The following FUT8 variants were observed in gnomAD, a reference collection of about 807,000 sequenced individuals.
The protein encoded by FUT8 is fucosyltransferase 8, also known as alpha-(1,6)-fucosyltransferase.
In FUT8, 29 loss-of-function variants were observed where a neutral mutation model predicts 71.3. The ratio of observed to expected loss-of-function variants is 0.41; its 90% CI spans 0.30 to 0.55. FUT8 has a LOEUF of 0.55. Ranked by LOEUF, FUT8 falls within the 20% of genes least tolerant of loss-of-function variation. The pLI is 0.34. For synonymous variants in FUT8, 254 were observed against 239.3 expected, an observed-to-expected ratio of 1.06 and a Z score of -0.57; for missense variants, 544 against 702.1, an observed-to-expected ratio of 0.77 and a Z score of 2.55.
intron 3 of FUT8, among the ~76,000 whole-genome samples, chr14:65,565,667 CATTTGCT>C (rs1214555923): frequency 6.6e-6 from 1 of 151,932 alleles, no homozygotes; most frequent in Non-Finnish European, 1.5e-5. Flanking sequence ...TCCTACCCAG[CATTTGCT>C]ATTGTCAGTT....
chr14:65,372,792 G>A, the FUT8 span, among the ~76,000 whole-genome samples: 1 of 152,126 alleles, frequency 6.6e-6, no homozygotes, highest in Non-Finnish European at 1.5e-5. Flanking sequence ...AATACTTTCA[G>A]TTTGTTTAGC....
chr14:65,559,157 T>G (rs1039377022), intron 2 of FUT8, among the ~76,000 whole-genome samples: 5 of 152,172 alleles, frequency 3.3e-5, no homozygotes, highest in African/African-American at 1.2e-4. Flanking sequence ...TTTTATTATT[T>G]AAATTACTCT....
At chr14:65,620,281 AC>A (rs1487951257) in intron 5 of FUT8, among the ~76,000 whole-genome samples, 1 of 152,168 alleles carries the variant, frequency 6.6e-6, no homozygotes, top group Non-Finnish European at 1.5e-5. Flanking sequence ...CTATTGAAAA[AC>A]AATCTGTTAA....
At chr14:65,403,494 A>G in the FUT8 span, among the ~76,000 whole-genome samples, 1 of 152,250 alleles carries the variant, frequency 6.6e-6, no homozygotes, top group Non-Finnish European at 1.5e-5. Flanking sequence ...CATTCAATAA[A>G]TATGCTACAT....
intron 1 of FUT8, among the ~76,000 whole-genome samples, chr14:65,414,705 A>C (rs1216143394): frequency 6.6e-6 from 1 of 152,220 alleles, no homozygotes; most frequent in African/African-American, 2.4e-5. Context: ...AGGTAGTTCC[A>C]AGACATGGAT....
chr14:65,554,451 A>G lies in FUT8; in HGVS notation c.-227-6886A>G, dbSNP rs1342726306. Among the ~76,000 whole-genome samples the G allele has an allele frequency of 2.1e-5, 3 of 142,710 alleles. No homozygotes were observed. The East Asian group carries it at 6.4e-4, about 30-fold the overall frequency. The allele number at this position is 142,710 out of a possible 152,430, so 93.6% of individuals were successfully genotyped here. On this transcript the variant is annotated intron_variant, in intron 2 of 10. Transcript: ENST00000673929. ...ATATATATTATATATATATATTTAT[A>G]TCTATAGATCTATATCTCATGGTTT...
At chr14:65,589,599 ACG>A (rs2070880815) in intron 3 of FUT8, among the ~76,000 whole-genome samples, 1 of 151,822 alleles carries the variant, frequency 6.6e-6, no homozygotes. Flanking sequence ...GCCCGCCACC[ACG>A]CCTGGCTAAC....
chr14:65,677,151 T>TGC (rs1555383259), intron 7 of FUT8, among the ~76,000 whole-genome samples: 89 of 110,732 alleles, frequency 8.0e-4, no homozygotes, highest in African/African-American at 1.3e-3. Context: ...TGTGTGTGTG[T>TGC]GCGCGCGCGC....
At chr14:65,677,149 T>TGTGTGTGTGC (rs1555383277) in intron 7 of FUT8, among the ~76,000 whole-genome samples, 1 of 84,530 alleles carries the variant, frequency 1.2e-5, no homozygotes, top group South Asian at 3.3e-4. Context: ...TGTGTGTGTG[T>TGTGTGTGTGC]GTGCGCGCGC....
intron 7 of FUT8, among the ~76,000 whole-genome samples, chr14:65,685,238 C>G (rs887740126): frequency 2.0e-5 from 3 of 152,094 alleles, no homozygotes; most frequent in Admixed American, 1.3e-4. Context: ...CGCTCCATTT[C>G]CTAATTCAAA....
At chr14:65,367,431 C>T in the FUT8 span, among the ~76,000 whole-genome samples, 136 of 152,228 alleles carry the variant, frequency 8.9e-4, 1 homozygote, top group African/African-American at 2.8e-3. Flanking sequence ...GGGATCCTCC[C>T]AGCACTGAGC....
chr14:65,630,946 C>G (rs1890151179), intron 6 of FUT8, among the ~76,000 whole-genome samples: 1 of 152,146 alleles, frequency 6.6e-6, no homozygotes, highest in African/African-American at 2.4e-5. Context: ...AGCAAAATGA[C>G]AGCCAGTGAT....
intron 7 of FUT8, among the ~76,000 whole-genome samples, chr14:65,677,155 C>T (rs56404818): frequency 0.059 from 1,763 of 29,894 alleles, 27 homozygotes; most frequent in African/African-American, 0.12. Context: ...TGTGTGTGCG[C>T]GCGCGCATGC....
At chr14:65,572,503 A>C (rs1172564935) in intron 3 of FUT8, among the ~76,000 whole-genome samples, 1 of 152,202 alleles carries the variant, frequency 6.6e-6, no homozygotes, top group East Asian at 1.9e-4. Context: ...CACATTCTTA[A>C]TCACGTTGGT....
intron 6 of FUT8, among the ~76,000 whole-genome samples, chr14:65,642,646 T>C (rs1890896455): frequency 6.6e-6 from 1 of 151,658 alleles, no homozygotes. Flanking sequence ...TACATGTGTG[T>C]CATGTGTGTC....
At chr14:65,726,229 T>C (rs1206957229) in intron 9 of FUT8, among the ~76,000 whole-genome samples, 1 of 152,268 alleles carries the variant, frequency 6.6e-6, no homozygotes, top group Non-Finnish European at 1.5e-5. Flanking sequence ...TTGTCTACTC[T>C]TTCACTTGTT....
At chr14:65,569,341 T>C (rs1362526650) in intron 3 of FUT8, among the ~76,000 whole-genome samples, 2 of 151,760 alleles carry the variant, frequency 1.3e-5, no homozygotes, top group Non-Finnish European at 2.9e-5. Flanking sequence ...GGAATTCCAA[T>C]TATATGTATT....
chr14:65,624,941 C>G (rs1889817459), intron 5 of FUT8, among the ~76,000 whole-genome samples: 1 of 152,156 alleles, frequency 6.6e-6, no homozygotes, highest in Non-Finnish European at 1.5e-5. Flanking sequence ...TGGTGCATGC[C>G]TGTAATCCCA....
At chr14:65,383,737 A>G in the FUT8 span, among the ~76,000 whole-genome samples, 215 of 152,232 alleles carry the variant, frequency 1.4e-3, 1 homozygote, top group African/African-American at 4.9e-3. Context: ...TGCGTATACT[A>G]TTCTCTTTGA....
Sources: gnomAD v4.1 joint callset for allele counts (sites outside exome capture counted in the v4.1 genomes callset) on GRCh38, gnomAD v4.1.1 for gene constraint, MANE v1.5 for transcripts, NCBI Gene and HGNC (gene_info 2026-07-23, HGNC 2026-07-21) for gene names.